TNS3: variants seen among roughly 807,000 people sequenced by gnomAD.
TNS3 encodes tensin 3.
TNS3 carries 45 observed loss-of-function variants against 140.9 expected under a neutral mutation model. That is an observed-to-expected ratio of 0.32 (90% CI 0.25 to 0.41). The LOEUF (loss-of-function observed/expected upper bound fraction) is 0.41. Ranked by LOEUF, TNS3 falls within the 10% of genes least tolerant of loss-of-function variation. The pLI is 1.00. For missense variants in TNS3, 1,716 were observed against 1,906.7 expected, an observed-to-expected ratio of 0.90 and a Z score of 1.86; for synonymous variants, 815 against 788.4, an observed-to-expected ratio of 1.03 and a Z score of -0.56.
chr7:47,550,011 C>T (rs1800021218), intron 1 of TNS3, among the ~76,000 whole-genome samples: 1 of 150,776 alleles, frequency 6.6e-6, no homozygotes, highest in Non-Finnish European at 1.5e-5. Context: ...CTCCTCTCCC[C>T]TCTTCCATCC....
chr7:47,334,406 C>T (rs1788508126), intron 20 of TNS3, among the ~76,000 whole-genome samples: 1 of 152,132 alleles, frequency 6.6e-6, no homozygotes, highest in South Asian at 2.1e-4. Context: ...TCCCCAAACC[C>T]CCTCTGAATA....
chr7:47,305,147 C>T (rs529493970), intron 20 of TNS3, 144 bp from the exon 21 acceptor site: 87 of 582,436 alleles, frequency 1.5e-4, no homozygotes, highest in Middle Eastern at 5.1e-4. Flanking sequence ...CATGACATCA[C>T]TACCCGTAAT....
At chr7:47,421,282 G>C (rs185201738) in intron 10 of TNS3, among the ~76,000 whole-genome samples, 79 of 152,238 alleles carry the variant, frequency 5.2e-4, no homozygotes, top group African/African-American at 1.8e-3. Context: ...TGGGGCGTTA[G>C]GAGGAGACAG....
At chr7:47,396,722 A>C in intron 16 of TNS3, 78 bp downstream of exon 16, 1 of 1,252,242 alleles carries the variant, frequency 8.0e-7, no homozygotes, top group East Asian at 2.3e-5. Context: ...CAGACTGCAA[A>C]ATACTTCAGA....
chr7:47,548,757 C>T (rs953905900), intron 1 of TNS3, among the ~76,000 whole-genome samples: 1 of 152,290 alleles, frequency 6.6e-6, no homozygotes, highest in East Asian at 1.9e-4. Context: ...GTCCTGACCA[C>T]TCCAAGCTTC....
chr7:47,411,642 G>T, intron 13 of TNS3, 85 bp downstream of exon 13: 1 of 1,432,680 alleles, frequency 7.0e-7, no homozygotes, highest in Non-Finnish European at 9.6e-7. Flanking sequence ...GAGGGTTACT[G>T]TTTTAACACA....
chr7:47,320,092 G>T (rs1320509449), intron 20 of TNS3, among the ~76,000 whole-genome samples: 3 of 152,142 alleles, frequency 2.0e-5, no homozygotes, highest in African/African-American at 7.2e-5. Context: ...TCTTTGTTCA[G>T]AAAACATAAG....
At chr7:47,553,182 A>C (rs898596096) in intron 1 of TNS3, among the ~76,000 whole-genome samples, 11 of 152,256 alleles carry the variant, frequency 7.2e-5, no homozygotes, top group African/African-American at 2.7e-4. Context: ...AACATAGCAG[A>C]GTAAGGTGAA....
chr7:47,439,541 G>T lies in TNS3; in HGVS notation c.96C>A (p.His32Gln), dbSNP rs964263117. Residue 32 changes from histidine (H) to glutamine (Q), a missense_variant, in exon 6 of 31, where the codon CAC becomes CAA. His to Gln is a conservative substitution (Grantham distance 24). Coordinates refer to ENST00000311160, the MANE Select transcript of TNS3 (RefSeq NM_022748.12). ...PAGCSEESYL[H>Q]NLQEVTRMLK... ...GCATGCGCGTGACCTCCTGTAGGTT[G>T]TGCAGGTAGGACTCCTCAGAGCAGC... The T allele has an allele frequency of 6.2e-7, 1 of 1,613,972 alleles. No homozygotes were observed. Among genetic ancestry groups the T allele is most frequent in the African/African-American group, 1.3e-5 (1 of 74,926 alleles).
chr7:47,575,752 G>A (rs147571856), intron 1 of TNS3, among the ~76,000 whole-genome samples: 70 of 148,202 alleles, frequency 4.7e-4, no homozygotes, highest in African/African-American at 1.7e-3. Flanking sequence ...GAACCCGGGA[G>A]GCAGATCTTG....
chr7:47,361,557 C>CA (rs534668784), intron 17 of TNS3, among the ~76,000 whole-genome samples: 272 of 152,316 alleles, frequency 1.8e-3, no homozygotes, highest in African/African-American at 5.8e-3. Context: ...GCCACGGAAT[C>CA]AGAGCTTGCA....
At chr7:47,332,594 T>C (rs1001568846) in intron 20 of TNS3, among the ~76,000 whole-genome samples, 9 of 152,136 alleles carry the variant, frequency 5.9e-5, no homozygotes, top group Admixed American at 5.9e-4. Context: ...ACAATTCTCA[T>C]AGACAATGGG....
At chr7:47,352,235 A>G (rs533772225) in intron 17 of TNS3, among the ~76,000 whole-genome samples, 39 of 152,062 alleles carry the variant, frequency 2.6e-4, no homozygotes, top group Non-Finnish European at 5.6e-4. Flanking sequence ...TACTTACACT[A>G]TACTCACTGG....
intron 1 of TNS3, among the ~76,000 whole-genome samples, chr7:47,538,712 A>G (rs1799692289): frequency 2.0e-5 from 3 of 152,174 alleles, no homozygotes; most frequent in African/African-American, 7.2e-5. Flanking sequence ...ACCTCCTCCT[A>G]GAACACACCA....
intron 2 of TNS3, among the ~76,000 whole-genome samples, chr7:47,508,450 T>TA (rs1175306352): frequency 6.6e-6 from 1 of 152,148 alleles, no homozygotes; most frequent in Non-Finnish European, 1.5e-5. Flanking sequence ...CACACAAGAT[T>TA]AAAAGTCCAG....
intron 4 of TNS3, among the ~76,000 whole-genome samples, chr7:47,449,102 C>T (rs1795892805): frequency 6.6e-6 from 1 of 152,240 alleles, no homozygotes; most frequent in South Asian, 2.1e-4. Flanking sequence ...CCGATACATC[C>T]AGTTAAACTG....
intron 4 of TNS3, among the ~76,000 whole-genome samples, chr7:47,469,973 CAAAAAAAAAA>C (rs144012426): frequency 4.6e-5 from 3 of 64,904 alleles, no homozygotes; most frequent in Non-Finnish European, 7.6e-5. Flanking sequence ...AACTCTGTCT[CAAAAAAAAAA>C]AAAAAAAAAA....
chr7:47,316,618 C>T (rs1019977870), intron 20 of TNS3, among the ~76,000 whole-genome samples: 1 of 150,198 alleles, frequency 6.7e-6, no homozygotes, highest in East Asian at 2.0e-4. Context: ...CACTTGAGAT[C>T]AGGAGTTTGA....
At chr7:47,289,952 AAG>A (rs1211202366) in intron 27 of TNS3, among the ~76,000 whole-genome samples, 5 of 152,260 alleles carry the variant, frequency 3.3e-5, no homozygotes. Context: ...ATTGAAAGAG[AAG>A]AGCAAAGTTG....
Sources: gnomAD v4.1 joint callset for allele counts (sites outside exome capture counted in the v4.1 genomes callset) on GRCh38, gnomAD v4.1.1 for gene constraint, MANE v1.5 for transcripts, NCBI Gene and HGNC (gene_info 2026-07-23, HGNC 2026-07-21) for gene names.